The following CSGALNACT1 variants were observed in gnomAD, a reference collection of about 807,000 sequenced individuals.
The protein encoded by CSGALNACT1 is chondroitin sulfate N-acetylgalactosaminyltransferase 1.
CSGALNACT1 carries 52 observed loss-of-function variants against 51.0 expected under a neutral mutation model. The observed-to-expected ratio is 1.02, with a 90% CI of 0.82 to 1.29. The LOEUF is 1.29. Among genes scored for constraint, CSGALNACT1 ranks in the 50% most tolerant of loss-of-function variants. The pLI is 0.00. For missense variants in CSGALNACT1, 935 were observed against 679.2 expected, an observed-to-expected ratio of 1.38 and a Z score of -4.19; for synonymous variants, 341 against 254.4, an observed-to-expected ratio of 1.34 and a Z score of -3.24.
At chr8:19,672,836 A>C (rs2059898475) in intron 1 of CSGALNACT1, among the ~76,000 whole-genome samples, 1 of 152,246 alleles carries the variant, frequency 6.6e-6, no homozygotes, top group African/African-American at 2.4e-5. Context: ...GCACTCAAAA[A>C]ATAAAAATAA....
chr8:19,638,380 G>T (rs1226926788), intron 1 of CSGALNACT1, among the ~76,000 whole-genome samples: 1 of 151,980 alleles, frequency 6.6e-6, no homozygotes, highest in Non-Finnish European at 1.5e-5. Context: ...CACACCCATC[G>T]GTGCCCACTT....
At chr8:19,525,615 CA>C (rs34787475) in intron 3 of CSGALNACT1, among the ~76,000 whole-genome samples, 934 of 20,114 alleles carry the variant, frequency 0.046, 2 homozygotes, top group East Asian at 0.1. Flanking sequence ...AAACTTGTCC[CA>C]AAAAAAAAAA....
intron 1 of CSGALNACT1, among the ~76,000 whole-genome samples, chr8:19,658,512 T>C (rs1478381007): frequency 6.6e-6 from 1 of 152,122 alleles, no homozygotes; most frequent in African/African-American, 2.4e-5. Flanking sequence ...GGCAGGTGGA[T>C]CACCTGAGGT....
chr8:19,524,603 G>T (rs2081322418), intron 3 of CSGALNACT1, among the ~76,000 whole-genome samples: 1 of 151,870 alleles, frequency 6.6e-6, no homozygotes, highest in Non-Finnish European at 1.5e-5. Flanking sequence ...TTGACTCTAA[G>T]TTAATGAGTC....
intron 3 of CSGALNACT1, among the ~76,000 whole-genome samples, chr8:19,573,294 A>T (rs1241461710): frequency 1.3e-5 from 2 of 152,232 alleles, no homozygotes; most frequent in Non-Finnish European, 2.9e-5. Flanking sequence ...GAAAGTGATC[A>T]AACGAATCAT....
At chr8:19,562,971 T>C (rs560287533) in intron 3 of CSGALNACT1, among the ~76,000 whole-genome samples, 2 of 152,220 alleles carry the variant, frequency 1.3e-5, no homozygotes, top group Non-Finnish European at 2.9e-5. Context: ...TAAAGATACA[T>C]GCACATGTAT....
chr8:19,634,208 A>C (rs971050262), intron 1 of CSGALNACT1, among the ~76,000 whole-genome samples: 2 of 152,204 alleles, frequency 1.3e-5, no homozygotes, highest in African/African-American at 4.8e-5. Context: ...TGTGGCTCAA[A>C]AACTGTTGCT....
At chr8:19,680,977 G>A (rs916301512) in intron 1 of CSGALNACT1, among the ~76,000 whole-genome samples, 23 of 152,176 alleles carry the variant, frequency 1.5e-4, no homozygotes, top group Middle Eastern at 6.8e-3. Context: ...GATGAAAACT[G>A]CGTGTGACTG....
intron 3 of CSGALNACT1, among the ~76,000 whole-genome samples, chr8:19,513,436 C>CTCTCTCTATATATATATATATATA: frequency 5.7e-4 from 47 of 81,946 alleles, no homozygotes; most frequent in Non-Finnish European, 1.1e-3. Flanking sequence ...CTCTCTCTCT[C>CTCTCTCTATATATATATATATATA]TATATATATA....
intron 1 of CSGALNACT1, among the ~76,000 whole-genome samples, chr8:19,699,215 C>T (rs895124275): frequency 4.6e-5 from 7 of 152,030 alleles, no homozygotes; most frequent in African/African-American, 1.7e-4. Flanking sequence ...TGCTATTTTT[C>T]TTGTTTTATT....
At chr8:19,666,996 A>AAGG (rs2059360322) in intron 1 of CSGALNACT1, among the ~76,000 whole-genome samples, 22 of 18,846 alleles carry the variant, frequency 1.2e-3, no homozygotes, top group Admixed American at 2.3e-3. Flanking sequence ...AGAAAGAAAG[A>AAGG]AAGAAAGAAA....
intron 1 of CSGALNACT1, among the ~76,000 whole-genome samples, chr8:19,673,445 G>A (rs2059942447): frequency 6.6e-6 from 1 of 152,170 alleles, no homozygotes; most frequent in Non-Finnish European, 1.5e-5. Flanking sequence ...AACCAAGACG[G>A]CAGGGATAAT....
At chr8:19,409,304 A>G (rs2055099465) in intron 8 of CSGALNACT1, among the ~76,000 whole-genome samples, 1 of 152,176 alleles carries the variant, frequency 6.6e-6, no homozygotes, top group Non-Finnish European at 1.5e-5. Context: ...GCTTCTGAAG[A>G]AAGACTCTGT....
At chr8:19,638,797 G>C (rs1013367240) in intron 1 of CSGALNACT1, among the ~76,000 whole-genome samples, 1 of 151,838 alleles carries the variant, frequency 6.6e-6, no homozygotes, top group Non-Finnish European at 1.5e-5. Context: ...GCTGAACTAG[G>C]CCTGTGGGAA....
chr8:19,579,062 G>T (rs1434890146), intron 3 of CSGALNACT1, among the ~76,000 whole-genome samples: 1 of 152,134 alleles, frequency 6.6e-6, no homozygotes, highest in Non-Finnish European at 1.5e-5. Context: ...AAACATTTAT[G>T]TAAAAATGAA....
intron 1 of CSGALNACT1, among the ~76,000 whole-genome samples, chr8:19,708,741 C>A (rs889356090): frequency 1.3e-5 from 2 of 152,100 alleles, no homozygotes; most frequent in African/African-American, 4.8e-5. Context: ...GTCCACTCCC[C>A]GGGACTGTTT....
intron 3 of CSGALNACT1, among the ~76,000 whole-genome samples, chr8:19,534,830 C>CT (rs1219526639): frequency 1.3e-5 from 2 of 152,270 alleles, no homozygotes; most frequent in Non-Finnish European, 2.9e-5. Flanking sequence ...ATTTGGCAAT[C>CT]TTTTTTCTTC....
chr8:19,754,815 GTCCCCTAGTGGCGAAGC>G (rs913850945), intron 1 of CSGALNACT1, among the ~76,000 whole-genome samples: 1 of 152,128 alleles, frequency 6.6e-6, no homozygotes, highest in Non-Finnish European at 1.5e-5. Flanking sequence ...TGCTGAAGAG[GTCCCCTAGTGGCGAAGC>G]TCCTCTCCAA....
In CSGALNACT1 at chr8:19,505,124, G is replaced by C. The variant is rs73667666; in HGVS notation, c.634+77C>G. On this transcript the variant is annotated intron_variant, in intron 4 of 9. Coordinates refer to ENST00000454498, the Ensembl canonical transcript of CSGALNACT1. ...CCCAGAGCCAGCTGCCAGCCTCCTG[G>C]AGCTGGAACCTGCCTGGGTGCCAGG... 293 of 1,544,364 alleles carry C rather than the reference G, an allele frequency of 1.9e-4. No individual in the cohort carries two copies. The African/African-American group carries it at 3.6e-3, about 19-fold the overall frequency.
Sources: allele counts gnomAD v4.1 joint callset (sites outside exome capture counted in the v4.1 genomes callset), GRCh38; gene constraint gnomAD v4.1.1; transcripts MANE v1.5; gene names NCBI Gene and HGNC (gene_info 2026-07-23, HGNC 2026-07-21).